Variants in FILIP1L observed in about 807,000 individuals in gnomAD.
FILIP1L encodes the protein filamin A-interacting protein 1-like.
In FILIP1L, 55 loss-of-function variants were observed where a neutral mutation model predicts 96.6. The ratio of observed to expected loss-of-function variants is 0.57; its 90% CI spans 0.46 to 0.71. The LOEUF (loss-of-function observed/expected upper bound fraction) is 0.71. FILIP1L is among the 30% of genes least tolerant of loss of function. FILIP1L has a pLI of 0.00. For synonymous variants in FILIP1L, 467 were observed against 473.9 expected, an observed-to-expected ratio of 0.99 and a Z score of 0.19; for missense variants, 1,304 against 1,321.2, an observed-to-expected ratio of 0.99 and a Z score of 0.20.
At chr3:100,041,194 C>T (rs895778454) in intron 1 of FILIP1L, 1 of 152,122 alleles carries the variant, frequency 6.6e-6, no homozygotes, top group Non-Finnish European at 1.5e-5. Context: ...CCCTAAATCA[C>T]CATTTTTCAA....
intron 1 of FILIP1L, among the ~76,000 whole-genome samples, chr3:99,946,998 G>A (rs1163349095): frequency 3.3e-5 from 5 of 152,056 alleles, no homozygotes; most frequent in South Asian, 2.1e-4. Flanking sequence ...TTAGCGGGGC[G>A]TGGTGGCAGG....
At chr3:99,840,004 C>T (rs1263283008) in intron 5 of FILIP1L, among the ~76,000 whole-genome samples, 5 of 152,056 alleles carry the variant, frequency 3.3e-5, no homozygotes, top group African/African-American at 1.2e-4. Flanking sequence ...GAATATTTAG[C>T]CATGTCTGGA....
chr3:100,084,084 A>C (rs2065970654), intron 1 of FILIP1L, among the ~76,000 whole-genome samples: 1 of 152,226 alleles, frequency 6.6e-6, no homozygotes, highest in Non-Finnish European at 1.5e-5. Flanking sequence ...ATGCCAGCAG[A>C]AAGGAGCTCA....
chr3:99,847,856 A>G (rs1943438462), intron 5 of FILIP1L: 1 of 797,548 alleles, frequency 1.3e-6, no homozygotes, highest in Non-Finnish European at 1.5e-6. Flanking sequence ...GACTATAAGC[A>G]AAAGACAAAA....
At chr3:100,003,299 T>G (rs1709895705) in intron 1 of FILIP1L, among the ~76,000 whole-genome samples, 1 of 152,224 alleles carries the variant, frequency 6.6e-6, no homozygotes, top group East Asian at 1.9e-4. Context: ...CAGCTTGATT[T>G]CTGTCTCAGT....
intron 1 of FILIP1L, among the ~76,000 whole-genome samples, chr3:100,035,388 C>T (rs1576659291): frequency 6.6e-6 from 1 of 152,134 alleles, no homozygotes; most frequent in African/African-American, 2.4e-5. Context: ...ATTCTCCTGC[C>T]TCAGCCTCCG....
At chr3:99,968,414 A>G (rs1228316629) in intron 1 of FILIP1L, among the ~76,000 whole-genome samples, 1 of 151,620 alleles carries the variant, frequency 6.6e-6, no homozygotes, top group Admixed American at 6.6e-5. Flanking sequence ...GTCCTGAAAA[A>G]CTATGTTTTT....
chr3:99,884,338 A>G (rs1403622572), intron 4 of FILIP1L, among the ~76,000 whole-genome samples: 1 of 152,220 alleles, frequency 6.6e-6, no homozygotes, highest in Non-Finnish European at 1.5e-5. Flanking sequence ...CATGGAAAAG[A>G]TCACTTAAAA....
chr3:100,093,067 G>C (rs928671838), intron 1 of FILIP1L, among the ~76,000 whole-genome samples: 6 of 151,872 alleles, frequency 4.0e-5, no homozygotes, highest in Non-Finnish European at 8.8e-5. Context: ...TGCAGAAATA[G>C]AATACAGAAT....
At chr3:99,925,938 A>G (rs1707280185) in intron 3 of FILIP1L, 1 of 952,442 alleles carries the variant, frequency 1.0e-6, no homozygotes, top group South Asian at 4.8e-5. Context: ...TGTTGGCAAG[A>G]GCTAACTCGG....
chr3:100,048,719 T>C (rs965336824), intron 1 of FILIP1L, among the ~76,000 whole-genome samples: 1 of 152,210 alleles, frequency 6.6e-6, no homozygotes, highest in African/African-American at 2.4e-5. Flanking sequence ...AGGTGGGTTT[T>C]ATGTTTCTCA....
chr3:99,889,851 C>T (rs1206944949), intron 4 of FILIP1L, among the ~76,000 whole-genome samples: 3 of 151,954 alleles, frequency 2.0e-5, no homozygotes, highest in African/African-American at 7.2e-5. Flanking sequence ...TGAGCATACC[C>T]TCCCAGTTTT....
At chr3:99,947,582 G>T (rs567805918) in intron 1 of FILIP1L, among the ~76,000 whole-genome samples, 1 of 152,102 alleles carries the variant, frequency 6.6e-6, no homozygotes, top group Non-Finnish European at 1.5e-5. Flanking sequence ...AACTGTCCTC[G>T]GCTGAGAAAA....
Position 100,114,190 on chromosome 3 carries a change from G to A in FILIP1L, c.-148C>T, listed in dbSNP as rs1209769733. ...TGGACACCCTCTCAGTTTTTGTTTTGTAGGCTTGAAAGCCACCGAGAGTTT... is the reference window on the plus strand; with the variant it reads ...TGGACACCCTCTCAGTTTTTGTTTTATAGGCTTGAAAGCCACCGAGAGTTT... On this transcript the variant is annotated 5_prime_UTR_variant, in exon 1 of 6. Transcript: ENST00000477258. 1.3e-5 allele frequency: 2 copies of A among 151,608 alleles called. No individual in the cohort carries two copies. Among genetic ancestry groups the A allele is most frequent in the African/African-American group, 4.9e-5 (2 of 41,208 alleles). The allele number at this position is 151,608 out of a possible 1,614,324, so 9.4% of individuals were successfully genotyped here.
At chr3:99,886,519 C>T (rs937894477) in intron 4 of FILIP1L, among the ~76,000 whole-genome samples, 14 of 152,020 alleles carry the variant, frequency 9.2e-5, no homozygotes, top group African/African-American at 3.4e-4. Flanking sequence ...CCATGGACCA[C>T]GGCTTGGACA....
At position 99,850,455 on chromosome 3, in the gene FILIP1L, C is replaced by T. The variant is rs538097692; in HGVS notation, c.1221G>A (p.Thr407=). ...RDLNKRLERE[T]LQSKDFKLEV... is the part of the protein sequence containing the mutation. ...CTAGTTTAAAGTCTTTACTCTGTAACGTCTCCCTTTCAAGCCTCTTATTGA... is the reference window on the plus strand; with the variant it reads ...CTAGTTTAAAGTCTTTACTCTGTAATGTCTCCCTTTCAAGCCTCTTATTGA... Residue 407 remains threonine (T), a synonymous_variant, in exon 5 of 6, where the codon ACG becomes ACA. Coordinates refer to ENST00000477258, the MANE Select transcript of FILIP1L (RefSeq NM_001387850.1). 5.3e-4 allele frequency: 851 copies of T among 1,614,004 alleles called. 9 individuals are homozygous for T. In the South Asian group the frequency reaches 8.8e-3, roughly 17 times the overall value.
intron 3 of FILIP1L, among the ~76,000 whole-genome samples, chr3:99,928,855 T>A (rs1707380311): frequency 6.6e-6 from 1 of 152,230 alleles, no homozygotes. Flanking sequence ...AAATTTGGAT[T>A]AAAGTGCAAA....
chr3:99,848,034 T>C, intron 5 of FILIP1L: 2 of 1,205,076 alleles, frequency 1.7e-6, no homozygotes, highest in Non-Finnish European at 2.1e-6. Flanking sequence ...TAAAGATGTA[T>C]TTATACAAGT....
At chr3:100,113,766 C>T (rs1208103851) in intron 1 of FILIP1L, among the ~76,000 whole-genome samples, 1 of 152,164 alleles carries the variant, frequency 6.6e-6, no homozygotes, top group East Asian at 1.9e-4. Flanking sequence ...ATCCATCTTA[C>T]TCTTAACAGG....
Sources: allele counts gnomAD v4.1 joint callset (sites outside exome capture counted in the v4.1 genomes callset), GRCh38; gene constraint gnomAD v4.1.1; transcripts MANE v1.5; gene names NCBI Gene and HGNC (gene_info 2026-07-23, HGNC 2026-07-21).